The following DLGAP4 variants were observed in gnomAD, a reference collection of about 807,000 sequenced individuals.
DLGAP4 encodes the protein disks large-associated protein 4.
In DLGAP4, 18 loss-of-function variants were observed where a neutral mutation model predicts 86.9. The observed-to-expected ratio is 0.21, with a 90% CI of 0.14 to 0.31. DLGAP4 has a LOEUF of 0.31. DLGAP4 is among the 10% of genes least tolerant of loss of function. DLGAP4 has a pLI of 1.00. For synonymous variants in DLGAP4, 548 were observed against 574.3 expected, an observed-to-expected ratio of 0.95 and a Z score of 0.65; for missense variants, 1,085 against 1,362.6, an observed-to-expected ratio of 0.80 and a Z score of 3.21.
intron 7 of DLGAP4, among the ~76,000 whole-genome samples, chr20:36,463,762 G>A (rs542416453): frequency 6.6e-6 from 1 of 152,304 alleles, no homozygotes; most frequent in Admixed American, 6.5e-5. Flanking sequence ...TGCTTCCCCT[G>A]TAGAGTAGGG....
At chr20:36,327,684 T>C (rs1476836018) in intron 1 of DLGAP4, among the ~76,000 whole-genome samples, 4 of 144,750 alleles carry the variant, frequency 2.8e-5, no homozygotes, top group African/African-American at 1.0e-4. Flanking sequence ...CTCCGCCTCC[T>C]GGGTTCACGC....
chr20:36,433,718 C>T (rs905652563), intron 3 of DLGAP4, among the ~76,000 whole-genome samples: 1 of 151,852 alleles, frequency 6.6e-6, no homozygotes, highest in African/African-American at 2.4e-5. Flanking sequence ...GTGGCGCGAT[C>T]TCGGCTCACT....
At chr20:36,518,205 A>G (rs1391173264) in intron 10 of DLGAP4, among the ~76,000 whole-genome samples, 4 of 151,906 alleles carry the variant, frequency 2.6e-5, no homozygotes, top group Non-Finnish European at 4.4e-5. Context: ...CTGGGCAACA[A>G]AACAAGACAA....
intron 10 of DLGAP4, among the ~76,000 whole-genome samples, chr20:36,504,620 C>T (rs922262777): frequency 1.3e-5 from 2 of 152,200 alleles, no homozygotes; most frequent in African/African-American, 2.4e-5. Flanking sequence ...CAGCAAAGCA[C>T]GAAGGTTCCA....
intron 1 of DLGAP4, among the ~76,000 whole-genome samples, chr20:36,320,699 C>T (rs1399811855): frequency 6.6e-6 from 1 of 152,136 alleles, no homozygotes; most frequent in Non-Finnish European, 1.5e-5. Flanking sequence ...CCCCCTGAGC[C>T]CTTTGCCCAC....
At chr20:36,348,553 G>C (rs1453101503) in intron 1 of DLGAP4, among the ~76,000 whole-genome samples, 4 of 151,796 alleles carry the variant, frequency 2.6e-5, no homozygotes, top group Non-Finnish European at 4.4e-5. Flanking sequence ...CGAGTAGTTG[G>C]GATTACAGGT....
At chr20:36,484,745 C>G (rs561403306) in intron 7 of DLGAP4, among the ~76,000 whole-genome samples, 3 of 152,340 alleles carry the variant, frequency 2.0e-5, no homozygotes, top group African/African-American at 7.2e-5. Flanking sequence ...TCCTGGGGAG[C>G]AAGGGAGGGG....
chr20:36,436,047 G>T, intron 3 of DLGAP4, 62 bp from the exon 4 acceptor site: 1 of 1,479,692 alleles, frequency 6.8e-7, no homozygotes, highest in Non-Finnish European at 8.9e-7. Context: ...CCGGAGATGG[G>T]GGTTCTCGCC....
At chr20:36,317,673 TC>T (rs1276505522) in intron 1 of DLGAP4, among the ~76,000 whole-genome samples, 84 of 151,288 alleles carry the variant, frequency 5.6e-4, no homozygotes, top group African/African-American at 2.0e-3. Context: ...CCCAGGCTGG[TC>T]TTGAACTCTT....
At chr20:36,414,554 G>A (rs1343473523) in intron 2 of DLGAP4, among the ~76,000 whole-genome samples, 2 of 152,244 alleles carry the variant, frequency 1.3e-5, no homozygotes, top group Non-Finnish European at 2.9e-5. Context: ...AGGATCAGGA[G>A]AACTGAGCCC....
chr20:36,418,201 C>T (rs1266335605), intron 2 of DLGAP4, among the ~76,000 whole-genome samples: 1 of 151,990 alleles, frequency 6.6e-6, no homozygotes, highest in Non-Finnish European at 1.5e-5. Context: ...GTAACCTCTG[C>T]CTCCCGGGTT....
chr20:36,364,471 G>A (rs2030619402), intron 1 of DLGAP4, among the ~76,000 whole-genome samples: 1 of 152,142 alleles, frequency 6.6e-6, no homozygotes, highest in Non-Finnish European at 1.5e-5. Flanking sequence ...TATATTTACA[G>A]GGTTGTGTAT....
At chr20:36,447,297 T>C (rs1010399129) in intron 7 of DLGAP4, among the ~76,000 whole-genome samples, 4 of 152,170 alleles carry the variant, frequency 2.6e-5, no homozygotes, top group Admixed American at 6.5e-5. Context: ...GGCAAACCTG[T>C]AGGGCAGGTT....
chr20:36,312,467 T>C (rs975975968), intron 1 of DLGAP4, among the ~76,000 whole-genome samples: 2 of 152,120 alleles, frequency 1.3e-5, no homozygotes, highest in African/African-American at 4.8e-5. Context: ...GCTGCGCAGG[T>C]CACCCACCTC....
chr20:36,426,186 A>G (rs913234757), intron 2 of DLGAP4, among the ~76,000 whole-genome samples: 1 of 152,240 alleles, frequency 6.6e-6, no homozygotes, highest in Non-Finnish European at 1.5e-5. Flanking sequence ...AATATTTAGC[A>G]TAGGCAAATT....
At chr20:36,421,501 G>A (rs2032826643) in intron 2 of DLGAP4, among the ~76,000 whole-genome samples, 1 of 151,890 alleles carries the variant, frequency 6.6e-6, no homozygotes, top group South Asian at 2.1e-4. Flanking sequence ...AAGGGCCATG[G>A]GAGTCTTTGA....
chr20:36,478,967 C>G (rs1443452260), intron 7 of DLGAP4, among the ~76,000 whole-genome samples: 1 of 152,184 alleles, frequency 6.6e-6, no homozygotes. Flanking sequence ...TGAAAAACAT[C>G]TGGCAACTGT....
chr20:36,355,003 G>A (rs2147394262), intron 1 of DLGAP4, among the ~76,000 whole-genome samples: 1 of 152,162 alleles, frequency 6.6e-6, no homozygotes. Flanking sequence ...CAACTTTATG[G>A]AAGGGCTGTT....
chr20:36,365,191 C>T (rs1555894530), intron 1 of DLGAP4, among the ~76,000 whole-genome samples: 2 of 152,214 alleles, frequency 1.3e-5, no homozygotes, highest in Non-Finnish European at 2.9e-5. Context: ...GGCCTCGGGC[C>T]CCTAGGCCAG....
Sources: allele counts gnomAD v4.1 joint callset (sites outside exome capture counted in the v4.1 genomes callset), GRCh38; gene constraint gnomAD v4.1.1; transcripts MANE v1.5; gene names NCBI Gene and HGNC (gene_info 2026-07-23, HGNC 2026-07-21).